Variants in SENP7 observed in about 807,000 individuals in gnomAD.
SENP7 encodes the protein sentrin-specific protease 7.
Under a neutral mutation model 141.2 loss-of-function variants are expected in SENP7, and 64 were observed. The observed-to-expected ratio is 0.45, with a 90% CI of 0.37 to 0.56. The LOEUF is 0.56. SENP7 is among the 20% of genes least tolerant of loss of function. The probability of loss-of-function intolerance (pLI) is 0.00; values close to 1 mark genes in which losing one functional copy is unlikely to be tolerated. For synonymous variants in SENP7, 382 were observed against 426.4 expected (o/e 0.90, Z 1.28); for missense variants, 1,025 against 1,212.2 (o/e 0.85, Z 2.29).
Position 101,364,944 on chromosome 3 carries a change from C to A in SENP7, c.1366G>T (p.Glu456Ter). ...EEGPVEHKSSEILKLQSKQDR... is the reference protein window; with the variant it reads ...EEGPVEHKSS ...TGCTTAGATTGTAACTTAAGAATTTCTGAACTTTTATGTTCAACAGGTCCT... is the reference window on the plus strand; with the variant it reads ...TGCTTAGATTGTAACTTAAGAATTTATGAACTTTTATGTTCAACAGGTCCT... Residue 456 changes from glutamate to a stop codon, truncating the protein, a stop_gained, in exon 10 of 24, where the codon GAA becomes TAA. Transcript: ENST00000394095. LOFTEE classifies it high-confidence loss of function. 1 of 1,590,160 alleles carries A rather than the reference C, an allele frequency of 6.3e-7. No homozygotes were observed. The highest frequency in any genetic ancestry group is 8.6e-7 in the Non-Finnish European group (1 of 1,169,256).
intron 22 of SENP7, among the ~76,000 whole-genome samples, chr3:101,328,146 C>T (rs950177433): frequency 2.6e-5 from 4 of 152,112 alleles, no homozygotes; most frequent in Non-Finnish European, 4.4e-5. Context: ...CACATACATA[C>T]ATATACATAA....
intron 5 of SENP7, 119 bp downstream of exon 5, chr3:101,417,474 G>T: frequency 2.6e-6 from 2 of 768,690 alleles, no homozygotes; most frequent in Non-Finnish European, 4.4e-6. Flanking sequence ...TTAGAGTGTG[G>T]TATGCCTATA....
At chr3:101,331,049 G>C (rs1268380097) in intron 19 of SENP7, among the ~76,000 whole-genome samples, 1 of 152,130 alleles carries the variant, frequency 6.6e-6, no homozygotes, top group African/African-American at 2.4e-5. Flanking sequence ...AAGTAAAAAT[G>C]GGGGATTTCA....
chr3:101,412,070 G>A (rs1458697843), intron 5 of SENP7, among the ~76,000 whole-genome samples: 2 of 152,072 alleles, frequency 1.3e-5, no homozygotes, highest in Admixed American at 6.6e-5. Context: ...ATAATGCAGG[G>A]AAAACTCTGA....
chr3:101,347,647 G>A (rs1427036174), intron 13 of SENP7: 3 of 237,888 alleles, frequency 1.3e-5, no homozygotes, highest in South Asian at 2.0e-4. Context: ...GCGTGAACCC[G>A]GGAGGCAGAG....
rs114516917 is a variant in SENP7 at position 101,349,057 on chromosome 3, C to T, written c.1658-1006G>A. Among the ~76,000 whole-genome samples, 1,467 of 152,266 alleles carry T rather than the reference C, an allele frequency of 9.6e-3. 19 individuals are homozygous for T. The highest frequency in any genetic ancestry group is 0.017 in the Non-Finnish European group (1,132 of 68,020). ...TAGAAATGCAGAGTATCAGGCCCCA[C>T]CTTACATCTACTGAACCAGCAGATC... On this transcript the variant is annotated intron_variant, in intron 12 of 23. Coordinates refer to ENST00000394095, the MANE Select transcript of SENP7 (RefSeq NM_020654.5).
intron 4 of SENP7, chr3:101,457,705 C>A (rs2063401662): frequency 1.8e-6 from 2 of 1,088,634 alleles, no homozygotes; most frequent in African/African-American, 1.6e-5. Flanking sequence ...GCAAGTTTTT[C>A]CTGATTCATG....
rs35310049 is a variant in SENP7 at position 101,402,001 on chromosome 3, CAA to C, written c.483-2948_483-2947del. Among the ~76,000 whole-genome samples, 389 of 108,730 alleles carry C rather than the reference CAA, an allele frequency of 3.6e-3. 1 individual carries two copies. The highest frequency in any genetic ancestry group is 0.011 in the African/African-American group (302 of 28,742). 71.3% of individuals were successfully genotyped at this position (108,730 alleles called of 152,430 possible). On this transcript the variant is annotated intron_variant, in intron 5 of 23. Coordinates refer to ENST00000394095, the MANE Select transcript of SENP7 (RefSeq NM_020654.5). ...TGGGCAACAGAATGAGACCCTGCCT[CAA>C]AAAAAAAAAAAAAAAACTATCTCCA...
intron 3 of SENP7, among the ~76,000 whole-genome samples, chr3:101,463,360 AATAAATATATATATAT>A (rs1409533519): frequency 0.012 from 555 of 46,982 alleles, 12 homozygotes; most frequent in African/African-American, 0.04. Flanking sequence ...TAAATAAATA[AATAAATATATATATAT>A]ATATATATAT....
intron 1 of SENP7, among the ~76,000 whole-genome samples, chr3:101,504,491 A>C (rs1326683046): frequency 6.6e-6 from 1 of 151,968 alleles, no homozygotes; most frequent in Non-Finnish European, 1.5e-5. Flanking sequence ...TCACCTCTAC[A>C]CTTAAGCTTT....
chr3:101,337,945 G>T (rs1314026865), intron 16 of SENP7, among the ~76,000 whole-genome samples: 1 of 152,104 alleles, frequency 6.6e-6, no homozygotes, highest in African/African-American at 2.4e-5. Context: ...ACGAGGTCAA[G>T]AGATCGAGAC....
intron 4 of SENP7, among the ~76,000 whole-genome samples, chr3:101,422,252 C>T (rs2107675552): frequency 6.6e-6 from 1 of 152,210 alleles, no homozygotes; most frequent in South Asian, 2.1e-4. Context: ...ACCAACCCAC[C>T]CCACTCTCAA....
At chr3:101,431,581 C>G (rs1400880154) in intron 4 of SENP7, among the ~76,000 whole-genome samples, 1 of 135,726 alleles carries the variant, frequency 7.4e-6, no homozygotes, top group African/African-American at 2.8e-5. Context: ...GTCAAGAGAT[C>G]GAGACCATCC....
At chr3:101,453,330 A>T (rs965642414) in intron 4 of SENP7, among the ~76,000 whole-genome samples, 9 of 152,178 alleles carry the variant, frequency 5.9e-5, no homozygotes, top group Non-Finnish European at 1.0e-4. Flanking sequence ...GATCTAGAAC[A>T]AGAAATACCA....
At chr3:101,350,220 C>T (rs187303375) in intron 12 of SENP7, among the ~76,000 whole-genome samples, 2 of 152,194 alleles carry the variant, frequency 1.3e-5, no homozygotes. Flanking sequence ...CCCCCGATGA[C>T]CAAGGAAACA....
intron 5 of SENP7, among the ~76,000 whole-genome samples, chr3:101,416,360 A>G (rs2061621862): frequency 6.6e-6 from 1 of 152,220 alleles, no homozygotes; most frequent in Admixed American, 6.5e-5. Context: ...CTGATTGGAA[A>G]AAGGACAGAT....
At chr3:101,471,055 G>T (rs1442400297) in intron 3 of SENP7, among the ~76,000 whole-genome samples, 1 of 152,132 alleles carries the variant, frequency 6.6e-6, no homozygotes, top group Non-Finnish European at 1.5e-5. Context: ...AGAATCAATA[G>T]CATGAAAATG....
chr3:101,473,511 T>C (rs1475324714), intron 3 of SENP7, among the ~76,000 whole-genome samples: 1 of 152,190 alleles, frequency 6.6e-6, no homozygotes, highest in East Asian at 1.9e-4. Context: ...TTTCATATGA[T>C]TGTTGGCTGC....
intron 3 of SENP7, among the ~76,000 whole-genome samples, chr3:101,490,219 A>G (rs1170147555): frequency 3.3e-5 from 5 of 152,032 alleles, no homozygotes; most frequent in Admixed American, 3.3e-4. Flanking sequence ...AAAAAAAAAA[A>G]GAGCCTAAAA....
Sources: gnomAD v4.1 joint callset for allele counts (sites outside exome capture counted in the v4.1 genomes callset) on GRCh38, gnomAD v4.1.1 for gene constraint, MANE v1.5 for transcripts, NCBI Gene and HGNC (gene_info 2026-07-23, HGNC 2026-07-21) for gene names.